The following DUSP9 variants were observed in gnomAD, a reference collection of about 807,000 sequenced individuals.
The protein encoded by DUSP9 is dual specificity protein phosphatase 9.
DUSP9 carries 4 observed loss-of-function variants against 13.2 expected under a neutral mutation model. The observed-to-expected ratio is 0.30, with a 90% CI of 0.15 to 0.69. DUSP9 has a LOEUF of 0.69. DUSP9 is among the 30% of genes least tolerant of loss of function. The pLI is 0.73. For synonymous variants in DUSP9, 166 were observed against 172.3 expected (o/e 0.96, Z 0.29); for missense variants, 263 against 355.0 (o/e 0.74, Z 2.08).
At chrX:153,648,420 C>T (rs2091198148) in intron 2 of DUSP9, 94 bp downstream of exon 2, 11 of 953,026 alleles carry the variant, frequency 1.2e-5, no homozygotes, top group Non-Finnish European at 1.2e-5. Context: ...GTTGAGGCCC[C>T]CCTCCCCTGA....
intron 1 of DUSP9, 156 bp downstream of exon 1, chrX:153,647,581 C>T (rs1197403929): frequency 7.8e-6 from 1 of 128,273 alleles, no homozygotes; most frequent in Non-Finnish European, 1.6e-5. Flanking sequence ...TCGAACGGCA[C>T]TCCTCGCACG....
chrX:153,645,508 C>T (rs1034558936), upstream of DUSP9, among the ~76,000 whole-genome samples: 1 of 113,106 alleles, frequency 8.8e-6, no homozygotes, highest in East Asian at 2.8e-4. Flanking sequence ...AACTGGAAGC[C>T]CCTTAGAGGT....
intron 3 of DUSP9, 28 bp downstream of exon 3, chrX:153,649,715 C>T (rs782023800): frequency 8.9e-7 from 1 of 1,124,162 alleles, no homozygotes; most frequent in African/African-American, 1.8e-5. Flanking sequence ...ACCCTTCCCT[C>T]CTGTCCTCCC....
upstream of DUSP9, among the ~76,000 whole-genome samples, chrX:153,646,984 G>A (rs1312608677): frequency 8.9e-6 from 1 of 112,430 alleles, no homozygotes; most frequent in South Asian, 3.7e-4. Context: ...CGCCGGCCAG[G>A]GGAGCCGCAG....
upstream of DUSP9, among the ~76,000 whole-genome samples, chrX:153,646,811 A>G (rs142790485): frequency 0.035 from 3,933 of 112,324 alleles, 168 homozygotes; most frequent in African/African-American, 0.12. Flanking sequence ...AGTTTGCCCA[A>G]GCTGCTAGCT....
chrX:153,643,560 CG>C, upstream of DUSP9: 1 of 324,090 alleles, frequency 3.1e-6, no homozygotes, highest in Non-Finnish European at 6.1e-6. Flanking sequence ...CAAGGGGCCC[CG>C]GGGAGGGGCG....
In DUSP9 at chrX:153,651,285, T is replaced by TTAA. The variant is rs1557036554; in HGVS notation, c.*982_*984dup. Reference sequence around the variant, plus strand: ...GTAATCCATATCATAGTTGCTTTCTTTAATTGTTCCTTCTGAATAAACAGT... The same window carrying TTAA: ...GTAATCCATATCATAGTTGCTTTCTTTAATAATTGTTCCTTCTGAATAAACAGT... On this transcript the variant is annotated 3_prime_UTR_variant, in exon 4 of 4. Transcript: ENST00000342782. The TTAA allele has an allele frequency of 8.9e-6, 1 of 112,515 alleles. No individual in the cohort carries two copies. The highest frequency in any genetic ancestry group is 3.2e-5 in the African/African-American group (1 of 30,938). 9.3% of individuals were successfully genotyped at this position (112,515 alleles called of 1,213,427 possible). A position where few individuals can be genotyped will look rare whatever the true frequency, so the allele number is the denominator to read the frequency against.
upstream of DUSP9, chrX:153,643,668 C>T (rs912330209): frequency 4.0e-5 from 11 of 272,679 alleles, no homozygotes; most frequent in African/African-American, 3.2e-4. Context: ...AGGTGGGTTC[C>T]ATGGGGGCTG....
Position 153,648,315 on chromosome X carries a change from A to G in DUSP9, c.362A>G (p.Tyr121Cys). Residue 121 changes from tyrosine to cysteine, a missense_variant, in exon 2 of 4, where the codon TAC (tyrosine) becomes TGC (cysteine). Tyr to Cys is a radical substitution (Grantham distance 194, BLOSUM62 -2). Transcript: ENST00000342782. ...QKLREEGYLA[Y>C]YLQGGFSRFQ... ...CTGCGAGAGGAAGGCTACCTGGCCT[A>G]CTACCTCCAGGGTAGGTGCCGCGGG... 1 of 1,130,907 alleles carries G rather than the reference A, an allele frequency of 8.8e-7. No individual in the cohort carries two copies. The highest frequency in any genetic ancestry group is 1.2e-6 in the Non-Finnish European group (1 of 861,068). 93.2% of individuals were successfully genotyped at this position (1,130,907 alleles called of 1,213,427 possible).
intron 3 of DUSP9, 69 bp downstream of exon 3, chrX:153,649,756 T>C: frequency 1.0e-6 from 1 of 960,577 alleles, no homozygotes; most frequent in Non-Finnish European, 1.4e-6. Context: ...CCCTTGTGAG[T>C]ACTCCTCCCA....
In DUSP9 at chrX:153,649,379, C is replaced by A; in HGVS notation, c.521C>A (p.Ala174Glu). The change falls in exon 3 of 4, where the codon GCG becomes GAG. Residue 174 changes from alanine to glutamate, a missense_variant. Coordinates refer to ENST00000342782, the MANE Select transcript of DUSP9 (RefSeq NM_001318503.2). ...TGCCTGGGCTCCGACTGCTCTGATGCGGAATCCGAGGCTGACCGCGACTCC... is the reference window on the plus strand; with the variant it reads ...TGCCTGGGCTCCGACTGCTCTGATGAGGAATCCGAGGCTGACCGCGACTCC... ...SLCLGSDCSD[A>E]ESEADRDSMS... 1 of 1,211,220 alleles carries A rather than the reference C, an allele frequency of 8.3e-7. No homozygotes were observed. The highest frequency in any genetic ancestry group is 1.7e-5 in the African/African-American group (1 of 57,869).
Position 153,649,508 on chromosome X carries a change from G to A in DUSP9, c.650G>A (p.Arg217Gln), listed in dbSNP as rs782692759. The A allele has an allele frequency of 5.8e-5, 70 of 1,210,709 alleles. No individual in the cohort carries two copies. The highest frequency in any genetic ancestry group is 2.3e-4 in the Middle Eastern group (1 of 4,376). Residue 217 changes from arginine to glutamine, a missense_variant, in exon 3 of 4, where the codon CGG (arginine) becomes CAG (glutamine). By Grantham distance (43) the Arg-to-Gln change is conservative. Transcript: ENST00000342782. ...CCCAACCTCTATCTGGGCAGTGCCC[G>A]GGATTCCGCCAATTTGGAGAGCCTG... ...ILPNLYLGSA[R>Q]DSANLESLAK...
upstream of DUSP9, chrX:153,642,651 C>G (rs1233081643): frequency 9.5e-6 from 1 of 104,934 alleles, no homozygotes; most frequent in Non-Finnish European, 2.0e-5. Flanking sequence ...CCCCACCCCC[C>G]ACCCGGCCTG....
chrX:153,646,983 G>A (rs2091190231), upstream of DUSP9, among the ~76,000 whole-genome samples: 2 of 112,431 alleles, frequency 1.8e-5, no homozygotes, highest in African/African-American at 6.4e-5. Flanking sequence ...GCGCCGGCCA[G>A]GGGAGCCGCA....
chrX:153,648,367 C>A, intron 2 of DUSP9, 41 bp downstream of exon 2: 1 of 1,073,623 alleles, frequency 9.3e-7, no homozygotes, highest in Non-Finnish European at 1.2e-6. Context: ...GTTCGGGATT[C>A]ATTTGACCTT....
chrX:153,647,817 TG>T, intron 1 of DUSP9, 101 bp from the exon 2 acceptor site: 1 of 706,732 alleles, frequency 1.4e-6, no homozygotes, highest in Non-Finnish European at 1.8e-6. Flanking sequence ...GTCCTCATGG[TG>T]GGGGACCCTG....
Position 153,650,017 on chromosome X carries a change from C to T in DUSP9, c.867C>T (p.His289=). 8.3e-7 allele frequency: 1 copy of T among 1,211,045 alleles called. No homozygotes were observed. The highest frequency in any genetic ancestry group is 1.1e-6 in the Non-Finnish European group (1 of 895,425). Residue 289 remains histidine, a synonymous_variant, in exon 4 of 4, where the codon CAC becomes CAT. Coordinates refer to ENST00000342782, the MANE Select transcript of DUSP9 (RefSeq NM_001318503.2). ...CCCAGAACTGCGGGGTGCTCGTCCACTGCTTGGCGGGGGTCAGCCGTTCTG... is the reference window on the plus strand; with the variant it reads ...CCCAGAACTGCGGGGTGCTCGTCCATTGCTTGGCGGGGGTCAGCCGTTCTG... ...ALSQNCGVLV[H]CLAGVSRSVT... is the part of the protein sequence containing the mutation.
In DUSP9 at chrX:153,649,302, C is replaced by T; in HGVS notation, c.444C>T (p.Ser148=). Residue 148 remains serine (S), a synonymous_variant, in exon 3 of 4, where the codon TCC becomes TCT. Transcript: ENST00000342782. ...CCAGCCTTGCTGGCCGTGCCGGCTC[C>T]AGCATGGCGCCGGTGCCCGGTCCAG... is the stretch of plus-strand genomic sequence containing the variant. ...CETSLAGRAG[S]SMAPVPGPVP... is the part of the protein sequence containing the mutation. 1 of 1,210,848 alleles carries T rather than the reference C, an allele frequency of 8.3e-7. No individual in the cohort carries two copies. Among genetic ancestry groups the T allele is most frequent in the Non-Finnish European group, 1.1e-6 (1 of 895,510 alleles).
chrX:153,649,692 G>A lies in DUSP9; in HGVS notation c.829+5G>A. ...CGGAGGCCATTGAGTTCATTGGTGA[G>A]TCCACCCCACCCACCCTTCCCTCCT... On this transcript the variant is annotated splice_donor_5th_base_variant and intron_variant, in intron 3 of 3. Coordinates refer to ENST00000342782, the MANE Select transcript of DUSP9 (RefSeq NM_001318503.2). 2 of 1,189,062 alleles carry A rather than the reference G, an allele frequency of 1.7e-6. No homozygotes were observed. Among genetic ancestry groups the A allele is most frequent in the Non-Finnish European group, 2.3e-6 (2 of 882,790 alleles).
Sources: allele counts gnomAD v4.1 joint callset (sites outside exome capture counted in the v4.1 genomes callset), GRCh38; gene constraint gnomAD v4.1.1; transcripts MANE v1.5; gene names NCBI Gene and HGNC (gene_info 2026-07-23, HGNC 2026-07-21).